NCALD: variants seen among roughly 807,000 people sequenced by gnomAD.
NCALD encodes the protein neurocalcin-delta.
A neutral mutation model predicts 18.6 loss-of-function variants in NCALD; 10 were observed. The ratio of observed to expected loss-of-function variants is 0.54; its 90% CI spans 0.33 to 0.91. NCALD has a LOEUF of 0.91. NCALD is among the 40% of genes least tolerant of loss of function. NCALD has a pLI of 0.03. For synonymous variants in NCALD, 88 were observed against 87.4 expected, an observed-to-expected ratio of 1.01 and a Z score of -0.04; for missense variants, 184 against 247.6, an observed-to-expected ratio of 0.74 and a Z score of 1.72.
chr8:101,756,199 G>A (rs1810874185), intron 1 of NCALD, among the ~76,000 whole-genome samples: 1 of 152,026 alleles, frequency 6.6e-6, no homozygotes, highest in South Asian at 2.1e-4. Context: ...GTGTTTCAAG[G>A]TCCTTTATTT....
At chr8:101,992,080 T>C (rs1018246680) in intron 2 of NCALD, among the ~76,000 whole-genome samples, 1 of 152,240 alleles carries the variant, frequency 6.6e-6, no homozygotes, top group African/African-American at 2.4e-5. Context: ...TGTGGCAAGA[T>C]GCCTGCATTA....
At chr8:102,056,485 G>A (rs565311319) in intron 1 of NCALD, among the ~76,000 whole-genome samples, 2 of 152,346 alleles carry the variant, frequency 1.3e-5, no homozygotes, top group East Asian at 1.9e-4. Flanking sequence ...TGCAGTCAGT[G>A]TATTTTTGAA....
intron 2 of NCALD, among the ~76,000 whole-genome samples, chr8:101,711,259 C>T (rs184113699): frequency 3.3e-5 from 5 of 151,908 alleles, no homozygotes; most frequent in East Asian, 3.9e-4. Context: ...AAACTCCAGC[C>T]GAAGGTCACC....
intron 1 of NCALD, among the ~76,000 whole-genome samples, chr8:101,787,886 T>C (rs1252449570): frequency 6.6e-6 from 1 of 152,216 alleles, no homozygotes; most frequent in Non-Finnish European, 1.5e-5. Flanking sequence ...CATTCTTTAA[T>C]GCTTGCTTCA....
chr8:102,069,220 T>C (rs1824104388), intron 1 of NCALD, among the ~76,000 whole-genome samples: 1 of 152,014 alleles, frequency 6.6e-6, no homozygotes, highest in South Asian at 2.1e-4. Flanking sequence ...GATAAATATG[T>C]GAGGTGATGG....
chr8:101,813,218 G>A (rs1813371722), intron 4 of NCALD, among the ~76,000 whole-genome samples: 1 of 152,058 alleles, frequency 6.6e-6, no homozygotes, highest in South Asian at 2.1e-4. Context: ...TTTTACAGAA[G>A]GGCTCCCTAA....
At chr8:101,934,199 A>C (rs1818675202) in intron 2 of NCALD, among the ~76,000 whole-genome samples, 1 of 152,192 alleles carries the variant, frequency 6.6e-6, no homozygotes, top group African/African-American at 2.4e-5. Flanking sequence ...AATTTTTATT[A>C]CCACATAATG....
chr8:101,802,835 G>A (rs764645866), intron 4 of NCALD, among the ~76,000 whole-genome samples: 3 of 149,718 alleles, frequency 2.0e-5, no homozygotes, highest in Admixed American at 6.7e-5. Context: ...CAACCCGCTC[G>A]GGTCCCCTTC....
At chr8:102,052,741 A>C (rs1823498166) in intron 1 of NCALD, among the ~76,000 whole-genome samples, 1 of 152,254 alleles carries the variant, frequency 6.6e-6, no homozygotes, top group Non-Finnish European at 1.5e-5. Flanking sequence ...TAGGCTTTGC[A>C]GGCCATTCCG....
intron 1 of NCALD, among the ~76,000 whole-genome samples, chr8:102,045,082 C>T (rs1011855624): frequency 6.6e-6 from 1 of 152,202 alleles, no homozygotes. Context: ...TATTTCTAAA[C>T]CCAGGGCTTT....
chr8:101,765,074 CAA>C (rs1811290369), intron 1 of NCALD, among the ~76,000 whole-genome samples: 1 of 152,146 alleles, frequency 6.6e-6, no homozygotes, highest in Admixed American at 6.5e-5. Context: ...GAGCAGTATG[CAA>C]AGAGATTTGT....
intron 4 of NCALD, among the ~76,000 whole-genome samples, chr8:101,877,620 G>A (rs548316463): frequency 6.6e-6 from 1 of 152,146 alleles, no homozygotes; most frequent in Non-Finnish European, 1.5e-5. Flanking sequence ...GAACAGTATT[G>A]CATAAAAGAT....
At chr8:101,767,006 C>G (rs1811377156) in intron 1 of NCALD, among the ~76,000 whole-genome samples, 1 of 152,200 alleles carries the variant, frequency 6.6e-6, no homozygotes, top group Non-Finnish European at 1.5e-5. Context: ...TTATGGACAT[C>G]TTTCCATTTT....
intron 1 of NCALD, among the ~76,000 whole-genome samples, chr8:102,090,813 A>T (rs1563609196): frequency 6.6e-6 from 1 of 152,210 alleles, no homozygotes; most frequent in Non-Finnish European, 1.5e-5. Context: ...TACAATAAGA[A>T]TCTTTTTTCT....
intron 1 of NCALD, among the ~76,000 whole-genome samples, chr8:102,053,811 T>C (rs1434278424): frequency 6.6e-6 from 1 of 152,208 alleles, no homozygotes; most frequent in Non-Finnish European, 1.5e-5. Flanking sequence ...GATTTGCCAA[T>C]TTAGATAAAA....
intron 1 of NCALD, among the ~76,000 whole-genome samples, chr8:101,728,607 T>C (rs1305277482): frequency 6.6e-6 from 1 of 152,028 alleles, no homozygotes; most frequent in African/African-American, 2.4e-5. Context: ...GATCACGAGG[T>C]CAGAAGATCG....
At chr8:101,968,961 G>C (rs2131885726) in intron 2 of NCALD, among the ~76,000 whole-genome samples, 1 of 152,282 alleles carries the variant, frequency 6.6e-6, no homozygotes, top group South Asian at 2.1e-4. Context: ...CCAGTTGCTT[G>C]AGACAGTCCT....
intron 1 of NCALD, among the ~76,000 whole-genome samples, chr8:101,733,205 C>T (rs776757046): frequency 2.0e-5 from 3 of 152,138 alleles, no homozygotes; most frequent in Non-Finnish European, 4.4e-5. Flanking sequence ...AAAATATTAA[C>T]GTTTATTCAT....
chr8:101,987,174 C>T (rs1038604946), intron 2 of NCALD, among the ~76,000 whole-genome samples: 2 of 152,204 alleles, frequency 1.3e-5, no homozygotes, highest in African/African-American at 4.8e-5. Flanking sequence ...TCTCCTCACT[C>T]CTATTCCAAC....
Sources: gnomAD v4.1 joint callset for allele counts (sites outside exome capture counted in the v4.1 genomes callset) on GRCh38, gnomAD v4.1.1 for gene constraint, MANE v1.5 for transcripts, NCBI Gene and HGNC (gene_info 2026-07-23, HGNC 2026-07-21) for gene names.